The following DNAH10 variants were observed in gnomAD, a reference collection of about 807,000 sequenced individuals.
The protein encoded by DNAH10 is axonemal beta dynein heavy chain 10.
A neutral mutation model predicts 506.6 loss-of-function variants in DNAH10; 348 were observed. The observed-to-expected ratio is 0.69, with a 90% CI of 0.63 to 0.75. The LOEUF is 0.75. DNAH10 is among the 30% of genes least tolerant of loss of function. The probability of loss-of-function intolerance (pLI) is 0.00; values close to 1 mark genes in which losing one functional copy is unlikely to be tolerated. For missense variants in DNAH10, 5,179 were observed against 5,787.1 expected (o/e 0.89, Z 3.41); for synonymous variants, 2,059 against 2,198.6 (o/e 0.94, Z 1.78).
rs377561868 is a variant in DNAH10, at chr12:123,890,747, G to A, written c.8996-2486G>A. ...AGGGCACTGGGGACAGAGAGAAGTG[G>A]GTGGATTCACGAGGTATTCAGGAGG... On this transcript the variant is annotated intron_variant, in intron 52 of 78. Transcript: ENST00000673944. Among the ~76,000 whole-genome samples the A allele has an allele frequency of 2.6e-5, 4 of 152,270 alleles. No homozygotes were observed. In the South Asian group the frequency reaches 8.3e-4, roughly 32 times the overall value.
In DNAH10 at chr12:123,924,443, G is replaced by A. The variant is rs1487936696; in HGVS notation, c.11766+11G>A. ...ACTGTCTGGCAGGAGGTGAGCCCAC[G>A]TTCCCTTTCTCCTCCTCTCCTTCCC... is the stretch of plus-strand genomic sequence containing the variant. On this transcript the variant is annotated intron_variant, in intron 67 of 78. Coordinates refer to ENST00000673944, the MANE Select transcript of DNAH10 (RefSeq NM_001372106.1). 5 of 1,607,114 alleles carry A rather than the reference G, an allele frequency of 3.1e-6. No homozygotes were observed. The highest frequency in any genetic ancestry group is 1.3e-5 in the African/African-American group (1 of 74,904).
intron 57 of DNAH10, among the ~76,000 whole-genome samples, chr12:123,904,384 G>A (rs1953677401): frequency 6.6e-6 from 1 of 152,220 alleles, no homozygotes; most frequent in Non-Finnish European, 1.5e-5. Flanking sequence ...CTAGCTACCG[G>A]TGATAGGATT....
In DNAH10 at chr12:123,902,337, G is replaced by A. The variant is rs531773349; in HGVS notation, c.9641-602G>A. 4.6e-5 allele frequency among the ~76,000 whole-genome samples: 7 copies of A among 152,332 alleles called. No homozygotes were observed. Among genetic ancestry groups the A allele is most frequent in the African/African-American group, 1.4e-4 (6 of 41,568 alleles). On this transcript the variant is annotated intron_variant, in intron 56 of 78. Coordinates refer to ENST00000673944, the MANE Select transcript of DNAH10 (RefSeq NM_001372106.1). The surrounding 1 kb of genome is among the most constrained non-coding windows in gnomAD (Gnocchi z 4.5). Reference sequence around the variant, plus strand: ...GTGGGGTGACACTGTTCAAACCACTGTGAGCCAAGCCCTGCTCTAGGTTTT... The same window carrying A: ...GTGGGGTGACACTGTTCAAACCACTATGAGCCAAGCCCTGCTCTAGGTTTT...
intron 65 of DNAH10, among the ~76,000 whole-genome samples, chr12:123,920,919 G>T (rs554955955): frequency 1.2e-4 from 18 of 152,148 alleles, no homozygotes; most frequent in Non-Finnish European, 2.6e-4. Flanking sequence ...ACAGGTGCAT[G>T]CCACCATGCC....
chr12:123,857,598 C>T (rs1951446761), intron 37 of DNAH10, among the ~76,000 whole-genome samples: 1 of 152,090 alleles, frequency 6.6e-6, no homozygotes, highest in African/African-American at 2.4e-5. Context: ...CGTGGTGGCG[C>T]TCGCCTGTAG....
intron 73 of DNAH10, among the ~76,000 whole-genome samples, chr12:123,931,026 TAAACAAAAAATCA>T (rs1045815441): frequency 6.6e-5 from 10 of 151,604 alleles, no homozygotes; most frequent in African/African-American, 1.5e-4. Flanking sequence ...CTACAAAAAA[TAAACAAAAAATCA>T]AAACAAAAAA....
chr12:123,783,402 C>T (rs979275822), intron 7 of DNAH10, 138 bp downstream of exon 7: 1 of 993,246 alleles, frequency 1.0e-6, no homozygotes, highest in East Asian at 2.6e-5. Flanking sequence ...TCAAAATAAA[C>T]ACACCCAAAA....
At chr12:123,898,858 T>TACCC (rs1953383477) in intron 56 of DNAH10, 44 bp downstream of exon 56, 1 of 1,550,458 alleles carries the variant, frequency 6.4e-7, no homozygotes, top group East Asian at 2.3e-5. Flanking sequence ...CAACACCCAA[T>TACCC]ACCCACCGTA....
intron 19 of DNAH10, among the ~76,000 whole-genome samples, chr12:123,810,064 T>C (rs1958871945): frequency 6.6e-6 from 1 of 152,236 alleles, no homozygotes; most frequent in Non-Finnish European, 1.5e-5. Context: ...TTCAGGCCAC[T>C]AGAATGTAAG....
In DNAH10 at chr12:123,896,148, CAGAGAGAGAG is replaced by C. The variant is rs71444923; in HGVS notation, c.9280+1463_9280+1472del. On this transcript the variant is annotated intron_variant, in intron 54 of 78. Coordinates refer to ENST00000673944, the MANE Select transcript of DNAH10 (RefSeq NM_001372106.1). ...ACACACACACACACACACACACACACAGAGAGAGAGAGAGAGAGAGAGAGAGAGAGAGAGA... is the reference window on the plus strand; with the variant it reads ...ACACACACACACACACACACACACACAGAGAGAGAGAGAGAGAGAGAGAGA... 1.1e-3 allele frequency among the ~76,000 whole-genome samples: 102 copies of C among 95,296 alleles called. 1 individual carries two copies. The highest frequency in any genetic ancestry group is 3.4e-3 in the African/African-American group (65 of 19,356). The allele number at this position is 95,296 out of a possible 152,430, so 62.5% of individuals were successfully genotyped here.
rs956939518 is a variant in DNAH10 at position 123,907,959 on chromosome 12, C to A, written c.9816-1302C>A. Among the ~76,000 whole-genome samples the A allele has an allele frequency of 3.3e-5, 5 of 152,228 alleles. No homozygotes were observed. The highest frequency in any genetic ancestry group is 1.2e-4 in the African/African-American group (5 of 41,528). ...CCTGGCTTGTCCGTACACTATGGGG[C>A]CTTCTCTCCTCTGCTGTCTGTGTGG... On this transcript the variant is annotated intron_variant, in intron 57 of 78. Transcript: ENST00000673944. The surrounding 1 kb of genome is among the most constrained non-coding windows in gnomAD (Gnocchi z 4.4).
intron 44 of DNAH10, among the ~76,000 whole-genome samples, chr12:123,871,019 C>T (rs1025011351): frequency 3.3e-5 from 5 of 152,164 alleles, no homozygotes; most frequent in South Asian, 2.1e-4. Context: ...ATTGAGCTTA[C>T]GGAGTGAGAC....
intron 24 of DNAH10, among the ~76,000 whole-genome samples, chr12:123,824,625 G>A (rs1226957182): frequency 6.6e-6 from 1 of 152,048 alleles, no homozygotes; most frequent in Non-Finnish European, 1.5e-5. Context: ...GTGTCTGCAG[G>A]GCCACGATCA....
Position 123,841,359 on chromosome 12 carries a change from G to A in DNAH10, c.5174G>A (p.Gly1725Asp). The change falls in exon 30 of 79, where the codon GGC (glycine) becomes GAC (aspartate). Residue 1725 changes from glycine to aspartate, a missense_variant. Physicochemically the swap from Gly to Asp is moderately conservative, Grantham distance 94. Around this residue, in one of 3 missense-constraint regions of DNAH10, gnomAD observed 4,844 missense variants for 5,430.5 expected, o/e 0.89. Transcript: ENST00000673944. ...ATAGCATCACTGAGGTTTAATGACGGCGATAGTGGAGAAAAACTGGTGTCC... is the reference window on the plus strand; with the variant it reads ...ATAGCATCACTGAGGTTTAATGACGACGATAGTGGAGAAAAACTGGTGTCC... ...DNIASLRFND[G>D]DSGEKLVSAM... The A allele has an allele frequency of 6.2e-7, 1 of 1,613,976 alleles. No individual in the cohort carries two copies. The highest frequency in any genetic ancestry group is 8.5e-7 in the Non-Finnish European group (1 of 1,179,892).
rs1283119552 is a variant in DNAH10, at chr12:123,762,726, G to T, written c.214+176G>T. The stretch of plus-strand genomic sequence containing the variant: ...CCGGGCGAACCCAGCAATCACAGCC[G>T]TCCCTGCCCTCCTGGGCCCACAGCC... On this transcript the variant is annotated intron_variant, in intron 1 of 78. Coordinates refer to ENST00000673944, the MANE Select transcript of DNAH10 (RefSeq NM_001372106.1). The surrounding 1 kb of genome is among the most constrained non-coding windows in gnomAD (Gnocchi z 5.0). Among the ~76,000 whole-genome samples, 1 of 152,182 alleles carries T rather than the reference G, an allele frequency of 6.6e-6. No homozygotes were observed. Among genetic ancestry groups the T allele is most frequent in the African/African-American group, 2.4e-5 (1 of 41,454 alleles).
At position 123,800,242 on chromosome 12, in the gene DNAH10, G is replaced by A. The variant is rs752278155; in HGVS notation, c.2316G>A (p.Ser772=). The A allele has an allele frequency of 9.3e-6, 15 of 1,613,758 alleles. No homozygotes were observed. Among genetic ancestry groups the A allele is most frequent in the African/African-American group, 5.3e-5 (4 of 74,876 alleles). The part of the protein sequence containing the change: ...TKSSIATEEP[S]TLERGAVFAI... ...CTTCCATCGCCACAGAGGAGCCTTC[G>A]ACTTTAGAAAGGGGAGCTGTTTTTG... Residue 772 remains serine (S), a synonymous_variant, in exon 15 of 79, where the codon TCG becomes TCA. Coordinates refer to ENST00000673944, the MANE Select transcript of DNAH10 (RefSeq NM_001372106.1).
At position 123,878,003 on chromosome 12, in the gene DNAH10, C is replaced by T. The variant is rs1189635562; in HGVS notation, c.8372+95C>T. 13 of 1,415,786 alleles carry T rather than the reference C, an allele frequency of 9.2e-6. No homozygotes were observed. In the East Asian group the frequency reaches 1.4e-4, roughly 15 times the overall value. 87.7% of individuals were successfully genotyped at this position (1,415,786 alleles called of 1,614,324 possible). ...GGGCTTATCAGTGGATTTGATGAAT[C>T]GTTGTATGAATTAATTACCCAATGT... On this transcript the variant is annotated intron_variant, in intron 48 of 78. Transcript: ENST00000673944.
At chr12:123,908,166 C>CCTCCCTAT (rs1953887220) in intron 57 of DNAH10, 1 of 360,764 alleles carries the variant, frequency 2.8e-6, no homozygotes, top group African/African-American at 2.2e-5. Context: ...CTCCCTGTCT[C>CCTCCCTAT]CTCCCTGTCT....
At chr12:123,857,696 C>A (rs1415168563) in intron 37 of DNAH10, among the ~76,000 whole-genome samples, 1 of 152,134 alleles carries the variant, frequency 6.6e-6, no homozygotes, top group Admixed American at 6.6e-5. Context: ...CCACTGCACT[C>A]CAGCCTGGTG....
Sources: gnomAD v4.1 joint callset for allele counts (sites outside exome capture counted in the v4.1 genomes callset) on GRCh38, gnomAD v4.1.1 for gene constraint, gnomAD v4.1.1 regional missense constraint, Gnocchi (gnomAD v3.1) non-coding constraint, MANE v1.5 for transcripts, NCBI Gene and HGNC (gene_info 2026-07-23, HGNC 2026-07-21) for gene names.